The following FAAH2 variants were observed in gnomAD, a reference collection of about 807,000 sequenced individuals.
FAAH2 encodes fatty acid amide hydrolase 2, also known as fatty-acid amide hydrolase 2.
In FAAH2, 60 loss-of-function variants were observed where a neutral mutation model predicts 36.9. The observed-to-expected ratio is 1.63, with a 90% CI of 1.32 to 2.02. FAAH2 has a LOEUF of 2.02. Among genes scored for constraint, FAAH2 ranks in the 30% most tolerant of loss-of-function variants. FAAH2 has a pLI of 0.00. For synonymous variants in FAAH2, 214 were observed against 143.8 expected (o/e 1.49, Z -3.49); for missense variants, 689 against 397.5 (o/e 1.73, Z -6.23).
At chrX:57,239,647 G>T in the FAAH2 span, among the ~76,000 whole-genome samples, 1 of 110,940 alleles carries the variant, frequency 9.0e-6, no homozygotes, top group Non-Finnish European at 1.9e-5. Flanking sequence ...GTTGCTTTTT[G>T]TCTCTGTGTC....
At chrX:57,373,354 G>C (rs1332077686) in intron 5 of FAAH2, among the ~76,000 whole-genome samples, 1 of 107,909 alleles carries the variant, frequency 9.3e-6, no homozygotes, top group African/African-American at 3.3e-5. Context: ...CAGCAATGTA[G>C]AAGTGTTTCT....
intron 3 of FAAH2, among the ~76,000 whole-genome samples, chrX:57,315,245 T>G (rs1278579433): frequency 9.0e-6 from 1 of 111,183 alleles, no homozygotes; most frequent in Non-Finnish European, 1.9e-5. Context: ...TATTGAGCTG[T>G]GAGATGGAAT....
upstream of FAAH2, among the ~76,000 whole-genome samples, chrX:57,285,147 T>C (rs2051792402): frequency 8.9e-6 from 1 of 112,273 alleles, no homozygotes; most frequent in Non-Finnish European, 1.9e-5. Context: ...CTGGATCTGC[T>C]AGATGTGCCT....
intron 7 of FAAH2, among the ~76,000 whole-genome samples, chrX:57,391,702 T>C (rs766878849): frequency 1.8e-5 from 2 of 111,661 alleles, no homozygotes; most frequent in Admixed American, 9.5e-5. Context: ...TTTTTACCAT[T>C]ACCATACAGT....
At chrX:57,440,689 A>G (rs1191032392) in intron 8 of FAAH2, among the ~76,000 whole-genome samples, 1 of 111,741 alleles carries the variant, frequency 8.9e-6, no homozygotes, top group Non-Finnish European at 1.9e-5. Flanking sequence ...CAGTTTTCAA[A>G]GGGAATGCTT....
Position 57,432,013 on chromosome X carries a change from G to C in FAAH2, c.1092G>C (p.Met364Ile). Residue 364 changes from methionine (M) to isoleucine (I), a missense_variant, in exon 8 of 11, where the codon ATG becomes ATC. Coordinates refer to ENST00000374900, the MANE Select transcript of FAAH2 (RefSeq NM_174912.4). ...KYSFQLWIAM[M>I]SAKGHDGKEP... ...CTTTTCAGTTGTGGATCGCAATGATGTCAGCAAAGGGACATGATGGGAAGG... is the reference window on the plus strand; with the variant it reads ...CTTTTCAGTTGTGGATCGCAATGATCTCAGCAAAGGGACATGATGGGAAGG... 8.3e-7 allele frequency: 1 copy of C among 1,203,926 alleles called. No homozygotes were observed. The highest frequency in any genetic ancestry group is 1.1e-6 in the Non-Finnish European group (1 of 891,295).
intron 7 of FAAH2, among the ~76,000 whole-genome samples, chrX:57,430,497 G>A (rs1340372013): frequency 9.0e-6 from 1 of 111,510 alleles, no homozygotes. Context: ...ATTGATTGAA[G>A]GGCCATGACT....
chrX:57,330,810 A>G (rs1055496649), intron 3 of FAAH2, among the ~76,000 whole-genome samples: 17 of 111,074 alleles, frequency 1.5e-4, no homozygotes, highest in African/African-American at 4.9e-4. Flanking sequence ...AGGTTCCCCA[A>G]TAGGAGGGTA....
intron 3 of FAAH2, among the ~76,000 whole-genome samples, chrX:57,323,578 T>C (rs918662712): frequency 5.4e-5 from 6 of 111,867 alleles, no homozygotes; most frequent in Non-Finnish European, 9.4e-5. Flanking sequence ...ATTTCTCTGA[T>C]GGACAGTGAT....
At chrX:57,257,821 A>T in the FAAH2 span, among the ~76,000 whole-genome samples, 1 of 111,832 alleles carries the variant, frequency 8.9e-6, no homozygotes, top group African/African-American at 3.2e-5. Context: ...AAGGAAACTG[A>T]AAAAAAGAAA....
Position 57,286,902 on chromosome X carries a change from G to A in FAAH2, c.77G>A (p.Arg26Gln), listed in dbSNP as rs867159266. The A allele has an allele frequency of 1.7e-6, 2 of 1,202,745 alleles. No homozygotes were observed. The highest frequency in any genetic ancestry group is 1.8e-5 in the African/African-American group (1 of 56,664). ...ALGFLIGLVG[R>Q]AALVLGGPKF... Reference sequence around the variant, plus strand: ...GGCTTTCTCATAGGCTTAGTAGGCCGAGCAGCTTTAGTCTTAGGGGGTCCA... The same window carrying A: ...GGCTTTCTCATAGGCTTAGTAGGCCAAGCAGCTTTAGTCTTAGGGGGTCCA... Residue 26 changes from arginine (R) to glutamine (Q), a missense_variant, in exon 1 of 11, where the codon CGA becomes CAA. Transcript: ENST00000374900.
intron 2 of FAAH2, among the ~76,000 whole-genome samples, chrX:57,309,456 T>TTTTTA (rs1240927456): frequency 1.8e-5 from 2 of 112,108 alleles, no homozygotes; most frequent in South Asian, 3.7e-4. Flanking sequence ...GAAACACCAC[T>TTTTTA]TTTTATTTTA....
At chrX:57,394,814 A>T in intron 7 of FAAH2, 2 of 1,091,231 alleles carry the variant, frequency 1.8e-6, no homozygotes, top group Non-Finnish European at 2.5e-6. Flanking sequence ...CTCCTCATCC[A>T]GATTGGCAGT....
the FAAH2 span, among the ~76,000 whole-genome samples, chrX:57,163,149 G>T: frequency 5.4e-5 from 6 of 112,040 alleles, no homozygotes; most frequent in African/African-American, 1.9e-4. Flanking sequence ...CCCTGCTGGG[G>T]GGTGACTCCC....
the FAAH2 span, among the ~76,000 whole-genome samples, chrX:57,244,467 A>T: frequency 9.0e-6 from 1 of 111,623 alleles, no homozygotes; most frequent in Non-Finnish European, 1.9e-5. Context: ...GGGTGAAATG[A>T]AGGAAAAAAT....
At position 57,456,774 on chromosome X, in the gene FAAH2, C is replaced by A. The variant is rs549522149; in HGVS notation, c.1423+8056C>A. On this transcript the variant is annotated intron_variant, in intron 10 of 10. Coordinates refer to ENST00000374900, the MANE Select transcript of FAAH2 (RefSeq NM_174912.4). ...AGTGAAGACATGAACAGATAAATAA[C>A]AAGTTCAGAAATTGAATCACTAATA... 4.0e-4 allele frequency among the ~76,000 whole-genome samples: 44 copies of A among 111,252 alleles called. No homozygotes were observed. In the South Asian group the frequency reaches 0.017, roughly 42 times the overall value.
At chrX:57,258,003 G>T in the FAAH2 span, among the ~76,000 whole-genome samples, 3 of 111,464 alleles carry the variant, frequency 2.7e-5, no homozygotes, top group African/African-American at 9.8e-5. Flanking sequence ...TTTTGAACAA[G>T]AATAACATAG....
At chrX:57,422,166 C>A (rs2056053496) in intron 7 of FAAH2, among the ~76,000 whole-genome samples, 1 of 112,024 alleles carries the variant, frequency 8.9e-6, no homozygotes. Context: ...CCACATTTGG[C>A]ACAACAGCTG....
chrX:57,244,868 G>A, the FAAH2 span, among the ~76,000 whole-genome samples: 1 of 111,201 alleles, frequency 9.0e-6, no homozygotes, highest in Non-Finnish European at 1.9e-5. Flanking sequence ...GGTTCAAATT[G>A]ACCCATAACA....
Sources: allele counts gnomAD v4.1 joint callset (sites outside exome capture counted in the v4.1 genomes callset), GRCh38; gene constraint gnomAD v4.1.1; transcripts MANE v1.5; gene names NCBI Gene and HGNC (gene_info 2026-07-23, HGNC 2026-07-21).